PID1: variants seen among roughly 807,000 people sequenced by gnomAD.
PID1 encodes PTB-containing, cubilin and LRP1-interacting protein.
A neutral mutation model predicts 19.1 loss-of-function variants in PID1; 10 were observed. The ratio of observed to expected loss-of-function variants is 0.52; its 90% confidence interval spans 0.32 to 0.89. The LOEUF (loss-of-function observed/expected upper bound fraction) is 0.89, where lower values mean the gene tolerates loss of function less well. Among genes scored for constraint, PID1 ranks in the 40% least tolerant of loss-of-function variants. The pLI is 0.03. For missense variants in PID1, 248 were observed against 285.3 expected (o/e 0.87, Z 0.94); for synonymous variants, 130 against 116.0 (o/e 1.12, Z -0.78).
rs1559273735 is a variant in PID1 at position 229,184,020 on chromosome 2, G to GTATATATCCCATA, written c.31-28069_31-28057dup. Among the ~76,000 whole-genome samples the GTATATATCCCATA allele has an allele frequency of 1.1e-3, 11 of 9,660 alleles. 5 individuals carry two copies. Among genetic ancestry groups the GTATATATCCCATA allele is most frequent in the African/African-American group, 7.0e-3 (8 of 1,144 alleles). 6.3% of individuals were successfully genotyped at this position (9,660 alleles called of 152,430 possible). A position where few individuals can be genotyped will look rare whatever the true frequency, so the allele number is the denominator to read the frequency against. ...TCCCATATATATATCCCATATGTAT[G>GTATATATCCCATA]TATATATCCCATATATATATCCCAT... On this transcript the variant is annotated intron_variant, in intron 1 of 2. Transcript: ENST00000392055.
At chr2:229,098,150 A>G (rs977893816) in intron 2 of PID1, among the ~76,000 whole-genome samples, 3 of 152,208 alleles carry the variant, frequency 2.0e-5, no homozygotes, top group Non-Finnish European at 4.4e-5. Context: ...ACAACAGCTA[A>G]CAGGTGCGCT....
intron 1 of PID1, among the ~76,000 whole-genome samples, chr2:229,192,778 T>C (rs1691288834): frequency 6.6e-6 from 1 of 152,190 alleles, no homozygotes; most frequent in South Asian, 2.1e-4. Context: ...GTTCAATAAA[T>C]GTTTAGTTTT....
At chr2:229,176,793 G>A (rs777428022) in intron 1 of PID1, among the ~76,000 whole-genome samples, 9 of 152,152 alleles carry the variant, frequency 5.9e-5, no homozygotes, top group Non-Finnish European at 1.0e-4. Context: ...CCAGCAGTAG[G>A]TGAAGAAAGA....
intron 2 of PID1, among the ~76,000 whole-genome samples, chr2:229,037,066 C>A (rs1463497450): frequency 6.6e-6 from 1 of 152,154 alleles, no homozygotes; most frequent in African/African-American, 2.4e-5. Context: ...TTATAAAGTA[C>A]ACAATCTCTA....
intron 2 of PID1, among the ~76,000 whole-genome samples, chr2:229,118,329 A>T (rs1052593192): frequency 6.6e-6 from 1 of 152,192 alleles, no homozygotes; most frequent in Non-Finnish European, 1.5e-5. Context: ...TTAGAGAAGC[A>T]TAAGTATATT....
chr2:229,062,014 A>C (rs1030256953), intron 2 of PID1, among the ~76,000 whole-genome samples: 2 of 151,976 alleles, frequency 1.3e-5, no homozygotes, highest in Non-Finnish European at 2.9e-5. Context: ...GGTTTTATAC[A>C]TGTAAGATCA....
At chr2:229,228,119 A>G in intron 1 of PID1, 1 of 448,642 alleles carries the variant, frequency 2.2e-6, no homozygotes, top group Non-Finnish European at 4.5e-6. Context: ...AATCCAAGAG[A>G]ATCGAGATAA....
chr2:229,083,175 T>C (rs185972239), intron 2 of PID1, among the ~76,000 whole-genome samples: 8 of 152,324 alleles, frequency 5.3e-5, no homozygotes, highest in Admixed American at 1.3e-4. Context: ...TTTCTTTCCA[T>C]GGCCCAACTG....
At chr2:229,118,124 C>T (rs952725659) in intron 2 of PID1, among the ~76,000 whole-genome samples, 2 of 152,196 alleles carry the variant, frequency 1.3e-5, no homozygotes, top group East Asian at 1.9e-4. Flanking sequence ...AGGAGTAAAT[C>T]GATAAATGAA....
intron 2 of PID1, among the ~76,000 whole-genome samples, chr2:229,094,631 G>C (rs1485898658): frequency 1.3e-5 from 2 of 151,854 alleles, no homozygotes; most frequent in Non-Finnish European, 2.9e-5. Flanking sequence ...CAGAAATAAA[G>C]ACAGATACAA....
At chr2:229,209,158 G>A (rs1691673364) in intron 1 of PID1, among the ~76,000 whole-genome samples, 1 of 152,192 alleles carries the variant, frequency 6.6e-6, no homozygotes, top group South Asian at 2.1e-4. Context: ...TTTGGGGCTT[G>A]CTACAGTTTT....
At chr2:229,107,034 G>T (rs1288860001) in intron 2 of PID1, among the ~76,000 whole-genome samples, 1 of 152,170 alleles carries the variant, frequency 6.6e-6, no homozygotes, top group Non-Finnish European at 1.5e-5. Flanking sequence ...AGGAGAGAGA[G>T]ATTTGAGACA....
intron 1 of PID1, among the ~76,000 whole-genome samples, chr2:229,235,952 T>C (rs939643028): frequency 7.2e-5 from 11 of 152,124 alleles, no homozygotes; most frequent in African/African-American, 1.4e-4. Flanking sequence ...GCAAAACATA[T>C]GAAGACATTT....
chr2:229,032,497 A>G (rs1410854881), intron 2 of PID1, among the ~76,000 whole-genome samples: 1 of 152,216 alleles, frequency 6.6e-6, no homozygotes, highest in East Asian at 1.9e-4. Context: ...CAGAGCCACA[A>G]AGTAGACAGA....
chr2:229,220,817 G>C (rs891593226), intron 1 of PID1, among the ~76,000 whole-genome samples: 2 of 151,792 alleles, frequency 1.3e-5, no homozygotes, highest in Non-Finnish European at 2.9e-5. Context: ...AACTCAATAA[G>C]AAAGCTATTT....
intron 1 of PID1, among the ~76,000 whole-genome samples, chr2:229,266,311 C>A (rs1690590512): frequency 6.6e-6 from 1 of 151,886 alleles, no homozygotes; most frequent in Non-Finnish European, 1.5e-5. Context: ...TGTACACAAT[C>A]CACCCTAATC....
intron 1 of PID1, among the ~76,000 whole-genome samples, chr2:229,255,793 G>C (rs1463571032): frequency 1.3e-5 from 2 of 152,136 alleles, no homozygotes; most frequent in African/African-American, 2.4e-5. Flanking sequence ...TTAGAAAATA[G>C]GATAAGCCCC....
intron 1 of PID1, among the ~76,000 whole-genome samples, chr2:229,197,151 T>C (rs974221743): frequency 5.3e-5 from 8 of 151,942 alleles, no homozygotes; most frequent in African/African-American, 1.9e-4. Flanking sequence ...TAACAAATAA[T>C]ACTATGAGAT....
In PID1 at chr2:229,132,673, T is replaced by C. The variant is rs112922544; in HGVS notation, c.177+23145A>G. The stretch of plus-strand genomic sequence containing the variant: ...TTAATTAACATATTACACAGAGGCA[T>C]ATAATTTTATGAGACAAACTCTTTA... On this transcript the variant is annotated intron_variant, in intron 2 of 2. Coordinates refer to ENST00000392055, the MANE Select transcript of PID1 (RefSeq NM_001100818.2). Among the ~76,000 whole-genome samples the C allele has an allele frequency of 4.2e-3, 642 of 152,372 alleles. 3 individuals are homozygous for C. The highest frequency in any genetic ancestry group is 0.015 in the African/African-American group (622 of 41,600).
Sources: gnomAD v4.1 joint callset for allele counts (sites outside exome capture counted in the v4.1 genomes callset) on GRCh38, gnomAD v4.1.1 for gene constraint, MANE v1.5 for transcripts, NCBI Gene and HGNC (gene_info 2026-07-23, HGNC 2026-07-21) for gene names.